The following DSE variants were observed in gnomAD, a reference collection of about 807,000 sequenced individuals.
The protein encoded by DSE is dermatan-sulfate epimerase.
Under a neutral mutation model 84.4 loss-of-function variants are expected in DSE, and 36 were observed. The observed-to-expected ratio is 0.43, with a 90% confidence interval of 0.33 to 0.56. The LOEUF is 0.56. Among genes scored for constraint, DSE ranks in the 20% least tolerant of loss-of-function variants. The pLI is 0.06. For synonymous variants in DSE, 410 were observed against 430.1 expected (o/e 0.95, Z 0.58); for missense variants, 862 against 1,169.6 (o/e 0.74, Z 3.84).
At chr6:116,429,502 G>T (rs1165556155) in intron 3 of DSE, among the ~76,000 whole-genome samples, 1 of 152,216 alleles carries the variant, frequency 6.6e-6, no homozygotes, top group Non-Finnish European at 1.5e-5. Flanking sequence ...TAAAGACCTA[G>T]GTTGAGATTA....
intron 2 of DSE, among the ~76,000 whole-genome samples, chr6:116,305,667 C>T (rs527952466): frequency 1.8e-4 from 28 of 151,964 alleles, no homozygotes; most frequent in Admixed American, 1.2e-3. Context: ...GTTGGAGTTT[C>T]GCTCTTGTTG....
At chr6:116,416,433 T>C (rs974157478) in intron 2 of DSE, among the ~76,000 whole-genome samples, 2 of 151,690 alleles carry the variant, frequency 1.3e-5, no homozygotes, top group African/African-American at 4.8e-5. Context: ...ATAGTTTGAT[T>C]AAATCTTTTT....
chr6:116,319,534 G>A (rs894544618), intron 2 of DSE, among the ~76,000 whole-genome samples: 2 of 152,168 alleles, frequency 1.3e-5, no homozygotes, highest in Non-Finnish European at 2.9e-5. Context: ...GAAAGAAGAG[G>A]CAGGGAAGTA....
In DSE at chr6:116,435,706, C is replaced by G. The variant is rs777781268; in HGVS notation, c.1238C>G (p.Ser413Cys). The G allele has an allele frequency of 1.2e-6, 2 of 1,614,134 alleles. No individual in the cohort carries two copies. Among genetic ancestry groups the G allele is most frequent in the Non-Finnish European group, 1.7e-6 (2 of 1,180,008 alleles). ...GCACTACCTGCAGAAATCAATAGATCTTTCCTTTCCTTCAAGTCTGGAAAA... is the reference window on the plus strand; with the variant it reads ...GCACTACCTGCAGAAATCAATAGATGTTTCCTTTCCTTCAAGTCTGGAAAA... ...GSALPAEINRSFLSFKSGKLG... is the reference protein window; with the variant it reads ...GSALPAEINRCFLSFKSGKLG... Residue 413 changes from serine to cysteine, a missense_variant, in exon 6 of 6, where the codon TCT (serine) becomes TGT (cysteine). Around this residue, in one of 4 missense-constraint regions of DSE, gnomAD observed 309 missense variants for 516.9 expected, o/e 0.60. Coordinates refer to ENST00000644252, the MANE Select transcript of DSE (RefSeq NM_013352.4).
At chr6:116,335,206 A>G (rs146055380) in intron 2 of DSE, among the ~76,000 whole-genome samples, 17,293 of 152,250 alleles carry the variant, frequency 0.11, 1,356 homozygotes, top group Admixed American at 0.19. Context: ...AAAAAGGGAC[A>G]AGATCATGTC....
chr6:116,402,338 TC>T (rs1439290660), intron 2 of DSE, among the ~76,000 whole-genome samples: 1 of 152,144 alleles, frequency 6.6e-6, no homozygotes, highest in Non-Finnish European at 1.5e-5. Context: ...TGCCTTTGAA[TC>T]CCAGCTCCCT....
At chr6:116,258,525 A>C (rs745818424) in exon 2 of DSE, 81 of 1,305,028 alleles carry the variant, frequency 6.2e-5, no homozygotes, top group Non-Finnish European at 8.5e-5. Context: ...TGCTCCAAGA[A>C]GGCCACACGT....
rs1235435476 is a variant in DSE at position 116,436,649 on chromosome 6, C to G, written c.2181C>G (p.Ile727Met). ...TTCTGTTTGACCGGAATTCAGCCAT[C>G]AAGAGCAGCATTGTCCCTGAGGTGA... Reference protein sequence around the residue: ...HKILFDRNSAIKSSIVPEVKD... With the variant: ...HKILFDRNSAMKSSIVPEVKD... Residue 727 changes from isoleucine to methionine, a missense_variant, in exon 6 of 6, where the codon ATC (isoleucine) becomes ATG (methionine). Ile to Met is a conservative substitution (Grantham distance 10). Transcript: ENST00000644252. 6 of 1,614,060 alleles carry G rather than the reference C, an allele frequency of 3.7e-6. No individual in the cohort carries two copies. The highest frequency in any genetic ancestry group is 5.1e-6 in the Non-Finnish European group (6 of 1,180,032).
intron 2 of DSE, among the ~76,000 whole-genome samples, chr6:116,424,056 G>T (rs1221851105): frequency 1.3e-5 from 2 of 152,176 alleles, no homozygotes; most frequent in Non-Finnish European, 2.9e-5. Context: ...CACATGTGAG[G>T]GTTTACTGGC....
chr6:116,413,300 A>G (rs555247343), intron 2 of DSE, among the ~76,000 whole-genome samples: 1 of 152,108 alleles, frequency 6.6e-6, no homozygotes, highest in South Asian at 2.1e-4. Context: ...GCAACCCATT[A>G]TATTCATTTC....
intron 2 of DSE, among the ~76,000 whole-genome samples, chr6:116,407,634 C>T (rs993512670): frequency 6.6e-6 from 1 of 152,282 alleles, no homozygotes; most frequent in Middle Eastern, 3.4e-3. Context: ...TCATTATTTA[C>T]CCATAGTCAT....
At chr6:116,256,468 T>TA (rs1772147220) in intron 1 of DSE, 1 of 152,236 alleles carries the variant, frequency 6.6e-6, no homozygotes, top group Non-Finnish European at 1.5e-5. Flanking sequence ...AATAGAGTAT[T>TA]ACAATTGTAT....
intron 2 of DSE, among the ~76,000 whole-genome samples, chr6:116,425,723 T>C (rs1017587533): frequency 4.0e-5 from 6 of 150,492 alleles, no homozygotes; most frequent in South Asian, 4.2e-4. Context: ...CCCAGGTTCA[T>C]GCCATTCTCC....
intron 2 of DSE, among the ~76,000 whole-genome samples, chr6:116,410,524 G>T (rs1402460915): frequency 6.6e-6 from 1 of 152,074 alleles, no homozygotes; most frequent in African/African-American, 2.4e-5. Flanking sequence ...ACAAGGTCAG[G>T]AGATCGAGAC....
At chr6:116,435,209 T>C (rs1232643685) in intron 5 of DSE, among the ~76,000 whole-genome samples, 1 of 152,220 alleles carries the variant, frequency 6.6e-6, no homozygotes, top group African/African-American at 2.4e-5. Context: ...AGAGTCCAGA[T>C]TCTAACATGG....
chr6:116,408,058 T>C (rs1365236795), intron 2 of DSE, among the ~76,000 whole-genome samples: 1 of 152,236 alleles, frequency 6.6e-6, no homozygotes, highest in African/African-American at 2.4e-5. Context: ...TGATCCACCT[T>C]AACTTCTTCC....
At chr6:116,318,547 C>T (rs1776127189) in intron 2 of DSE, among the ~76,000 whole-genome samples, 1 of 151,406 alleles carries the variant, frequency 6.6e-6, no homozygotes, top group South Asian at 2.1e-4. Flanking sequence ...AAAAGCAAAA[C>T]TAAAACTAAC....
chr6:116,420,378 G>C, intron 2 of DSE, among the ~76,000 whole-genome samples: 1 of 152,210 alleles, frequency 6.6e-6, no homozygotes, highest in East Asian at 1.9e-4. Context: ...GGGCTCTCAT[G>C]ATAGGATAAG....
chr6:116,354,394 C>T (rs1006507603), intron 2 of DSE, among the ~76,000 whole-genome samples: 1 of 152,130 alleles, frequency 6.6e-6, no homozygotes, highest in African/African-American at 2.4e-5. Context: ...GTATAAGAAA[C>T]AGAGTCACCC....
Sources: gnomAD v4.1 joint callset for allele counts (sites outside exome capture counted in the v4.1 genomes callset) on GRCh38, gnomAD v4.1.1 for gene constraint, gnomAD v4.1.1 regional missense constraint, MANE v1.5 for transcripts, NCBI Gene and HGNC (gene_info 2026-07-23, HGNC 2026-07-21) for gene names.